The following MOK variants were observed in gnomAD, a reference collection of about 807,000 sequenced individuals.
MOK encodes MAPK/MAK/MRK overlapping kinase.
In MOK, 59 loss-of-function variants were observed where a neutral mutation model predicts 54.2. That is an observed-to-expected ratio of 1.09 (90% CI 0.88 to 1.35). MOK has a LOEUF of 1.35. MOK is among the 40% of genes most tolerant of loss of function. MOK has a pLI of 0.00. For synonymous variants in MOK, 210 were observed against 202.7 expected (o/e 1.04, Z -0.31); for missense variants, 517 against 526.2 (o/e 0.98, Z 0.17).
chr14:102,278,570 C>CG (rs1874525315), intron 2 of MOK: 1 of 427,660 alleles, frequency 2.3e-6, no homozygotes, highest in African/African-American at 2.0e-5. Context: ...CTGGGAAGAA[C>CG]GGTGGGAAGA....
intron 7 of MOK, among the ~76,000 whole-genome samples, chr14:102,244,746 CAT>C (rs2065964497): frequency 6.6e-6 from 1 of 152,194 alleles, no homozygotes; most frequent in African/African-American, 2.4e-5. Context: ...TTCTGTCAGA[CAT>C]AATTCCTCGG....
chr14:102,224,740 G>A (rs541010892), downstream of MOK: 2 of 456,046 alleles, frequency 4.4e-6, no homozygotes, highest in Middle Eastern at 3.3e-4. Flanking sequence ...TGCCCCACTC[G>A]AAGGCGCCAG....
chr14:102,226,385 T>G (rs2064241967), downstream of MOK: 1 of 702,978 alleles, frequency 1.4e-6, no homozygotes, highest in Admixed American at 2.0e-5. The surrounding 1 kb of genome is among the most constrained non-coding windows in gnomAD (Gnocchi z 4.8). Context: ...GGCTGAGGCC[T>G]CATCCTCGCT....
chr14:102,294,260 C>T (rs960042155), intron 1 of MOK, among the ~76,000 whole-genome samples: 6 of 151,890 alleles, frequency 4.0e-5, no homozygotes, highest in Non-Finnish European at 7.4e-5. Flanking sequence ...TCCTGGCTAA[C>T]ATGGTGAAAC....
downstream of MOK, among the ~76,000 whole-genome samples, chr14:102,221,116 T>C (rs1188809416): frequency 6.6e-6 from 1 of 152,212 alleles, no homozygotes; most frequent in Non-Finnish European, 1.5e-5. The surrounding 1 kb of genome is among the most constrained non-coding windows in gnomAD (Gnocchi z 4.8). Flanking sequence ...ACCACCTTCC[T>C]GTGGGTGGGG....
chr14:102,227,652 C>T (rs1483419349), downstream of MOK, among the ~76,000 whole-genome samples: 2 of 152,212 alleles, frequency 1.3e-5, no homozygotes, highest in Admixed American at 6.5e-5. Flanking sequence ...GCCTCACTTC[C>T]GGACTGGAAT....
the MOK span, among the ~76,000 whole-genome samples, chr14:102,219,025 T>C: frequency 6.6e-6 from 1 of 152,190 alleles, no homozygotes; most frequent in East Asian, 1.9e-4. Context: ...AGCAGGCGGA[T>C]TGGGGCAGCA....
At chr14:102,302,541 G>C (rs960110585) in intron 1 of MOK, among the ~76,000 whole-genome samples, 3 of 150,812 alleles carry the variant, frequency 2.0e-5, no homozygotes, top group Admixed American at 6.6e-5. Flanking sequence ...TCAGCCTCCC[G>C]AGTAGCTGGG....
chr14:102,229,881 G>T (rs562243562), intron 10 of MOK: 4 of 554,590 alleles, frequency 7.2e-6, no homozygotes, highest in Non-Finnish European at 1.3e-5. Context: ...GAAGAATGCC[G>T]ACTGCAAGCT....
At chr14:102,277,013 CTTT>C (rs550427492) in intron 2 of MOK, among the ~76,000 whole-genome samples, 6 of 99,956 alleles carry the variant, frequency 6.0e-5, no homozygotes, top group African/African-American at 1.5e-4. Context: ...ATGCCCTGGT[CTTT>C]TTTTTTTTTT....
At chr14:102,261,158 C>T (rs935066494) in intron 4 of MOK, among the ~76,000 whole-genome samples, 4 of 148,496 alleles carry the variant, frequency 2.7e-5, no homozygotes, top group Admixed American at 6.8e-5. Context: ...TCAGGAGGCA[C>T]AAGCAGGAGA....
chr14:102,217,580 G>A, the MOK span, among the ~76,000 whole-genome samples: 1 of 151,974 alleles, frequency 6.6e-6, no homozygotes, highest in African/African-American at 2.4e-5. Flanking sequence ...GCAAGTCTGG[G>A]GCAGAGATGG....
At chr14:102,248,359 A>T (rs2066257943) in intron 7 of MOK, among the ~76,000 whole-genome samples, 1 of 151,482 alleles carries the variant, frequency 6.6e-6, no homozygotes, top group Non-Finnish European at 1.5e-5. Flanking sequence ...AACCATCCAG[A>T]ACTCACAGCA....
At chr14:102,246,459 A>C (rs1165051866) in intron 7 of MOK, among the ~76,000 whole-genome samples, 2 of 151,582 alleles carry the variant, frequency 1.3e-5, no homozygotes, top group African/African-American at 4.9e-5. Flanking sequence ...AATACCTACA[A>C]CCCCTGAACA....
chr14:102,231,492 G>T lies in MOK; in HGVS notation c.981+215C>A. 1 of 514,542 alleles carries T rather than the reference G, an allele frequency of 1.9e-6. No homozygotes were observed. 31.9% of individuals were successfully genotyped at this position (514,542 alleles called of 1,614,324 possible). A position where few individuals can be genotyped will look rare whatever the true frequency, so the allele number is the denominator to read the frequency against. Reference sequence around the variant, plus strand: ...ATGGGATATTCGTCATCAATTCTTAGCTACTGGGGCAGAAAGGGCTTGAGC... The same window carrying T: ...ATGGGATATTCGTCATCAATTCTTATCTACTGGGGCAGAAAGGGCTTGAGC... On this transcript the variant is annotated intron_variant, in intron 10 of 11. Coordinates refer to ENST00000361847, the MANE Select transcript of MOK (RefSeq NM_014226.3). This position sits in a 1 kb window ranked among gnomAD's most constrained non-coding sequence, Gnocchi z 4.4.
In MOK at chr14:102,228,918, G is replaced by GACC. The variant is rs2064376043; in HGVS notation, c.*368_*370dup. On this transcript the variant is annotated 3_prime_UTR_variant, in exon 12 of 12. Transcript: ENST00000361847. ...TAAGACATGATGGCGCTCCACGACT[G>GACC]ACCAGCAGCGCTGGGAAGGGACACG... The GACC allele has an allele frequency of 3.9e-6, 1 of 258,758 alleles. No homozygotes were observed. Among genetic ancestry groups the GACC allele is most frequent in the Admixed American group, 4.9e-5 (1 of 20,366 alleles). The allele number at this position is 258,758 out of a possible 1,614,324, so 16.0% of individuals were successfully genotyped here.
downstream of MOK, among the ~76,000 whole-genome samples, chr14:102,220,111 C>T (rs28379925): frequency 3.8e-3 from 581 of 152,322 alleles, 6 homozygotes; most frequent in African/African-American, 0.013. This position sits in a 1 kb window ranked among gnomAD's most constrained non-coding sequence, Gnocchi z 4.2. Flanking sequence ...GCGGAAGCAG[C>T]GTGTCCCTCA....
In MOK at chr14:102,304,904, C is replaced by A; in HGVS notation, c.7+58G>T. 11 of 1,308,514 alleles carry A rather than the reference C, an allele frequency of 8.4e-6. No homozygotes were observed. In the South Asian group the frequency reaches 1.3e-4, roughly 15 times the overall value. The allele number at this position is 1,308,514 out of a possible 1,614,324, so 81.1% of individuals were successfully genotyped here. A position where few individuals can be genotyped will look rare whatever the true frequency, so the allele number is the denominator to read the frequency against. On this transcript the variant is annotated intron_variant, in intron 1 of 11. Coordinates refer to ENST00000361847, the MANE Select transcript of MOK (RefSeq NM_014226.3). ...CTCAAGCTCCTCAAGCTCCCCCAGT[C>A]CCTCCCTCCCCCGCCACTCGCTCTC...
intron 1 of MOK, among the ~76,000 whole-genome samples, chr14:102,300,732 G>A (rs929227509): frequency 2.0e-5 from 3 of 152,172 alleles, no homozygotes; most frequent in African/African-American, 7.2e-5. Context: ...ACTGTGCTAT[G>A]AGCTTTATAT....
Sources: allele counts gnomAD v4.1 joint callset (sites outside exome capture counted in the v4.1 genomes callset), GRCh38; gene constraint gnomAD v4.1.1; non-coding constraint Gnocchi (gnomAD v3.1); transcripts MANE v1.5; gene names NCBI Gene and HGNC (gene_info 2026-07-23, HGNC 2026-07-21).